NFAT5: variants seen among roughly 807,000 people sequenced by gnomAD.
The protein encoded by NFAT5 is nuclear factor of activated T cells 5, also known as nuclear factor of activated T-cells 5.
Under a neutral mutation model 166.5 loss-of-function variants are expected in NFAT5, and 31 were observed. The observed-to-expected ratio is 0.19, with a 90% CI of 0.14 to 0.25. NFAT5 has a LOEUF of 0.25. Ranked by LOEUF, NFAT5 falls within the 10% of genes least tolerant of loss-of-function variation. NFAT5 has a pLI of 1.00. For missense variants in NFAT5, 1,449 were observed against 1,821.8 expected, an observed-to-expected ratio of 0.80 and a Z score of 3.72; for synonymous variants, 612 against 639.7, an observed-to-expected ratio of 0.96 and a Z score of 0.65.
chr16:69,600,925 C>T (rs1260974652), intron 2 of NFAT5, among the ~76,000 whole-genome samples: 1 of 152,052 alleles, frequency 6.6e-6, no homozygotes, highest in Non-Finnish European at 1.5e-5. Context: ...GTATGATTAA[C>T]AGGATGAATA....
chr16:69,569,278 A>AT (rs546585355), intron 2 of NFAT5, among the ~76,000 whole-genome samples: 6 of 151,740 alleles, frequency 4.0e-5, no homozygotes, highest in Non-Finnish European at 8.8e-5. Flanking sequence ...AAAGGTACTA[A>AT]TTTCCCCATT....
At chr16:69,668,380 T>G (rs1209106420) in intron 7 of NFAT5, among the ~76,000 whole-genome samples, 1 of 152,238 alleles carries the variant, frequency 6.6e-6, no homozygotes, top group East Asian at 1.9e-4. Context: ...AAATATCTCT[T>G]ATCTTAAATG....
At chr16:69,580,958 A>T (rs2031645453) in intron 2 of NFAT5, among the ~76,000 whole-genome samples, 1 of 152,216 alleles carries the variant, frequency 6.6e-6, no homozygotes. Context: ...CCCGGCCGAA[A>T]TCCAAATTCT....
intron 7 of NFAT5, among the ~76,000 whole-genome samples, chr16:69,663,105 A>G (rs2036221102): frequency 6.6e-6 from 1 of 152,130 alleles, no homozygotes; most frequent in Admixed American, 6.6e-5. Flanking sequence ...AGGAAACAGG[A>G]AGAGAGAGAG....
rs771289301 is a variant in NFAT5, at chr16:69,647,143, G to A, written c.369G>A (p.Val123=). ...TCACCGACAGCAAGGCTATGCAAGT[G>A]GAGAGCTGCTCCTCAGCCGTGGGGG... is the stretch of plus-strand genomic sequence containing the variant. ...TSVTDSKAMQ[V]ESCSSAVGVS... Residue 123 remains valine, a synonymous_variant, in exon 4 of 15, where the codon GTG becomes GTA. Coordinates refer to ENST00000349945, the MANE Select transcript of NFAT5 (RefSeq NM_138713.4). The surrounding 1 kb of genome is among the most constrained non-coding windows in gnomAD (Gnocchi z 4.8). The A allele has an allele frequency of 5.6e-6, 9 of 1,614,132 alleles. No homozygotes were observed. The South Asian group carries it at 8.8e-5, about 16-fold the overall frequency.
At chr16:69,624,862 A>G (rs1237824371) in intron 2 of NFAT5, among the ~76,000 whole-genome samples, 2 of 152,024 alleles carry the variant, frequency 1.3e-5, no homozygotes, top group Admixed American at 1.3e-4. Flanking sequence ...AGTTATTTTG[A>G]AAATAAGTAT....
At chr16:69,568,141 C>T (rs1446008089) in intron 1 of NFAT5, among the ~76,000 whole-genome samples, 1 of 151,930 alleles carries the variant, frequency 6.6e-6, no homozygotes, top group African/African-American at 2.4e-5. Flanking sequence ...GGAGAAACCC[C>T]GTCACCCCGT....
At chr16:69,574,950 G>T (rs1475473326) in intron 2 of NFAT5, among the ~76,000 whole-genome samples, 1 of 152,094 alleles carries the variant, frequency 6.6e-6, no homozygotes, top group East Asian at 1.9e-4. Context: ...GGGATTACAG[G>T]CATGAGCCAC....
intron 2 of NFAT5, among the ~76,000 whole-genome samples, chr16:69,618,175 A>C (rs1227352852): frequency 6.6e-6 from 1 of 151,264 alleles, no homozygotes; most frequent in Admixed American, 6.6e-5. Context: ...AAAAAAAAAA[A>C]CTCTGTAGAA....
chr16:69,695,284 C>T lies in NFAT5; in HGVS notation c.4563C>T (p.Ser1521=), dbSNP rs1344482685. The T allele has an allele frequency of 6.2e-7, 1 of 1,614,166 alleles. No homozygotes were observed. Among genetic ancestry groups the T allele is most frequent in the Non-Finnish European group, 8.5e-7 (1 of 1,180,012 alleles). The change falls in exon 14 of 15, where the codon TCC becomes TCT. Residue 1521 remains serine, a synonymous_variant. Transcript: ENST00000349945. ...QQMPENSPLA[S]SINTNQNIEK... ...TGCCAGAGAATTCTCCACTGGCATC[C>T]TCTATAAACACCAACCAGAACATCG...
chr16:69,657,469 A>G (rs1027364708), intron 6 of NFAT5, among the ~76,000 whole-genome samples: 1 of 88,642 alleles, frequency 1.1e-5, no homozygotes, highest in African/African-American at 4.3e-5. Flanking sequence ...GAAAATTACT[A>G]AAAAAGGGGC....
rs371564532 is a variant in NFAT5, at chr16:69,690,992, C to T, written c.1827C>T (p.Ala609=). Residue 609 remains alanine, a synonymous_variant, in exon 12 of 15, where the codon GCC becomes GCT. Transcript: ENST00000349945. ...NLDKVNIIPN[A]LMTPLIPSSM... is the part of the protein sequence containing the mutation. ...ATAAGGTAAATATTATCCCTAATGC[C>T]CTGATGACTCCACTCATACCAAGCA... is the stretch of plus-strand genomic sequence containing the variant. 2.8e-5 allele frequency: 45 copies of T among 1,607,584 alleles called. No individual in the cohort carries two copies. The African/African-American group carries it at 5.6e-4, about 20-fold the overall frequency.
Position 69,703,377 on chromosome 16 carries a change from TAAAC to T in NFAT5, c.*7029_*7032del, listed in dbSNP as rs869223374. ...AAGAATTATTTACTAAAATAAATAA[TAAAC>T]AAGATAATGCATTATACAATTTGGG... On this transcript the variant is annotated 3_prime_UTR_variant, in exon 15 of 15. Coordinates refer to ENST00000349945, the MANE Select transcript of NFAT5 (RefSeq NM_138713.4). 5.9e-5 allele frequency: 9 copies of T among 152,648 alleles called. No homozygotes were observed. The highest frequency in any genetic ancestry group is 1.7e-4 in the African/African-American group (7 of 41,464). 9.5% of individuals were successfully genotyped at this position (152,648 alleles called of 1,614,324 possible).
At chr16:69,683,826 C>T (rs770454228) in intron 10 of NFAT5, among the ~76,000 whole-genome samples, 4 of 152,020 alleles carry the variant, frequency 2.6e-5, no homozygotes, top group East Asian at 3.9e-4. Context: ...GCAGCCAGTG[C>T]GGTGGCTCAC....
At chr16:69,650,412 T>C (rs983348293) in intron 4 of NFAT5, among the ~76,000 whole-genome samples, 1 of 152,068 alleles carries the variant, frequency 6.6e-6, no homozygotes, top group Non-Finnish European at 1.5e-5. Context: ...TTTTACATTT[T>C]AGAAAAAAAA....
chr16:69,684,629 G>A (rs1376907227), intron 10 of NFAT5, among the ~76,000 whole-genome samples: 2 of 151,898 alleles, frequency 1.3e-5, no homozygotes, highest in Non-Finnish European at 2.9e-5. Context: ...GTGATCACCC[G>A]CCTTGGCTTC....
Position 69,655,604 on chromosome 16 carries a change from T to G in NFAT5, c.1006-5T>G. 6.4e-7 allele frequency: 1 copy of G among 1,555,530 alleles called. No individual in the cohort carries two copies. Among genetic ancestry groups the G allele is most frequent in the Non-Finnish European group, 8.7e-7 (1 of 1,149,106 alleles). ...GTGTTTCTGTTGCATGTTTTCTGGT[T>G]TCAGCTGGAAGGCCATAATGAACCT... is the stretch of plus-strand genomic sequence containing the variant. On this transcript the variant is annotated splice_polypyrimidine_tract_variant and splice_region_variant and intron_variant, in intron 5 of 14. Coordinates refer to ENST00000349945, the MANE Select transcript of NFAT5 (RefSeq NM_138713.4).
intron 2 of NFAT5, among the ~76,000 whole-genome samples, chr16:69,617,772 A>G (rs1192597754): frequency 1.3e-5 from 2 of 152,122 alleles, no homozygotes; most frequent in Admixed American, 1.3e-4. Flanking sequence ...GATTACAGGC[A>G]TGAGCCACTT....
chr16:69,659,595 G>A (rs1359234942), intron 6 of NFAT5, 132 bp from the exon 7 acceptor site: 3 of 604,004 alleles, frequency 5.0e-6, no homozygotes, highest in African/African-American at 1.9e-5. Context: ...TTTGAACTTG[G>A]AACTTTGTAA....
Sources: gnomAD v4.1 joint callset for allele counts (sites outside exome capture counted in the v4.1 genomes callset) on GRCh38, gnomAD v4.1.1 for gene constraint, Gnocchi (gnomAD v3.1) non-coding constraint, MANE v1.5 for transcripts, NCBI Gene and HGNC (gene_info 2026-07-23, HGNC 2026-07-21) for gene names.